Variants in POLR1C observed in about 807,000 individuals in gnomAD.
The protein encoded by POLR1C is RNA polymerase I and III subunit C.
In POLR1C, 42 loss-of-function variants were observed where a neutral mutation model predicts 38.3. The ratio of observed to expected loss-of-function variants is 1.10; its 90% confidence interval spans 0.86 to 1.42. POLR1C has a LOEUF of 1.42. Ranked by LOEUF, POLR1C falls within the 40% of genes most tolerant of loss-of-function variation. The probability of loss-of-function intolerance (pLI) is 0.00; values close to 1 mark genes in which losing one functional copy is unlikely to be tolerated. For missense variants in POLR1C, 507 were observed against 450.5 expected (o/e 1.13, Z -1.14); for synonymous variants, 163 against 163.9 (o/e 0.99, Z 0.04).
intron 10 of POLR1C, chr6:43,556,225 A>C: frequency 2.7e-6 from 1 of 369,310 alleles, no homozygotes; most frequent in Non-Finnish European, 4.9e-6. Flanking sequence ...TTTCTGTTTG[A>C]ATTAAAAGGA....
chr6:43,549,886 G>A, intron 9 of POLR1C: 1 of 1,608,456 alleles, frequency 6.2e-7, no homozygotes, highest in Non-Finnish European at 8.5e-7. Flanking sequence ...TTAATTAATG[G>A]TCTTACCTTA....
Position 43,520,307 on chromosome 6 carries a change from G to A in POLR1C, c.535G>A (p.Gly179Arg). ...YTRHMTWIPL[G>R]NQADLFPEGT... ...CAGGCATATGACATGGATCCCCCTG[G>A]GGAACCAGGCTGATCTCTTTCCAGA... The change falls in exon 6 of 9, where the codon GGG (glycine) becomes AGG (arginine). Residue 179 changes from glycine (G) to arginine (R), a missense_variant. Transcript: ENST00000642195. The A allele has an allele frequency of 6.2e-7, 1 of 1,613,054 alleles. No individual in the cohort carries two copies. The highest frequency in any genetic ancestry group is 8.5e-7 in the Non-Finnish European group (1 of 1,180,024).
chr6:43,519,556 C>T, intron 3 of POLR1C, 116 bp downstream of exon 3: 1 of 1,415,512 alleles, frequency 7.1e-7, no homozygotes, highest in Non-Finnish European at 1.0e-6. Context: ...TGGAATTTTG[C>T]TGAGCATTTT....
intron 9 of POLR1C, among the ~76,000 whole-genome samples, chr6:43,543,016 C>A (rs1794781111): frequency 6.6e-6 from 1 of 152,060 alleles, no homozygotes; most frequent in African/African-American, 2.4e-5. Flanking sequence ...AAGTATCATA[C>A]AAGCAAGGAG....
At chr6:43,528,759 T>C in intron 8 of POLR1C, 3 of 1,465,348 alleles carry the variant, frequency 2.0e-6, no homozygotes, top group Non-Finnish European at 2.8e-6. Context: ...GCTCCTGACT[T>C]GCAAAGCTCA....
intron 2 of POLR1C, among the ~76,000 whole-genome samples, chr6:43,518,186 G>A (rs1792940726): frequency 6.6e-6 from 1 of 152,214 alleles, no homozygotes; most frequent in African/African-American, 2.4e-5. Context: ...CTTGGTGGCT[G>A]GGAGGGAATG....
chr6:43,543,426 C>T (rs748818341), intron 9 of POLR1C, among the ~76,000 whole-genome samples: 3 of 152,130 alleles, frequency 2.0e-5, no homozygotes, highest in Non-Finnish European at 4.4e-5. Context: ...GCACCCCAAC[C>T]TGGGCGACAG....
chr6:43,560,355 C>G, intron 10 of POLR1C: 1 of 1,526,188 alleles, frequency 6.6e-7, no homozygotes, highest in East Asian at 2.3e-5. Flanking sequence ...CTATATAACC[C>G]AGATTATTAC....
At chr6:43,561,142 C>T (rs954631963) in intron 10 of POLR1C, 1 of 702,452 alleles carries the variant, frequency 1.4e-6, no homozygotes. Flanking sequence ...TTCCTTTTGG[C>T]TAAAGAAAGG....
chr6:43,539,469 C>A lies in POLR1C; in HGVS notation c.*4+10110C>A. ...GGCAGGGAGAAGAGATAGATCTCCT[C>A]CAGGGACTTGATCTTCATGTCCTTG... On this transcript the variant is annotated intron_variant, in intron 9 of 10. Coordinates refer to the POLR1C transcript ENST00000607635. 5 of 1,576,232 alleles carry A rather than the reference C, an allele frequency of 3.2e-6. No homozygotes were observed. In the South Asian group the frequency reaches 4.4e-5, roughly 14 times the overall value.
chr6:43,547,092 T>G (rs1795001253), intron 9 of POLR1C, among the ~76,000 whole-genome samples: 1 of 152,198 alleles, frequency 6.6e-6, no homozygotes, highest in African/African-American at 2.4e-5. Context: ...CTTCATCTTC[T>G]TTGAGTTGAC....
At chr6:43,556,133 A>G (rs1166852698) in intron 10 of POLR1C, 1 of 896,348 alleles carries the variant, frequency 1.1e-6, no homozygotes, top group African/African-American at 1.7e-5. Context: ...TAACGAATCC[A>G]GAAGTTTTTG....
chr6:43,520,444 CCTTCCTGG>C lies in POLR1C; in HGVS notation c.655+18_655+25del. 6.2e-7 allele frequency: 1 copy of C among 1,612,964 alleles called. No homozygotes were observed. The highest frequency in any genetic ancestry group is 8.5e-7 in the Non-Finnish European group (1 of 1,179,978). On this transcript the variant is annotated intron_variant, in intron 6 of 8. Transcript: ENST00000642195. ...AGGGCATTGGTGAGAACCCTGTGTG[CCTTCCTGG>C]GAAGGGGGATAGTTCGGTTGCAGTG...
chr6:43,536,072 C>A (rs1794302808), intron 9 of POLR1C, among the ~76,000 whole-genome samples: 1 of 151,708 alleles, frequency 6.6e-6, no homozygotes, highest in Non-Finnish European at 1.5e-5. Flanking sequence ...CGTGCCACTG[C>A]ACTCCAGCCT....
downstream of POLR1C, among the ~76,000 whole-genome samples, chr6:43,534,310 C>T (rs1794180418): frequency 6.6e-6 from 1 of 152,144 alleles, no homozygotes; most frequent in Non-Finnish European, 1.5e-5. Context: ...GAGGTGGTCC[C>T]AGGAGTTTTT....
downstream of POLR1C, chr6:43,533,798 G>A: frequency 1.4e-6 from 1 of 703,784 alleles, no homozygotes; most frequent in Non-Finnish European, 2.2e-6. Flanking sequence ...TTGCACCAGT[G>A]CACTCTAGCC....
At chr6:43,527,304 A>T in intron 8 of POLR1C, 1 of 217,096 alleles carries the variant, frequency 4.6e-6, no homozygotes, top group Non-Finnish European at 9.3e-6. Context: ...ACGGAGTTTC[A>T]CTCTTTTGCC....
intron 10 of POLR1C, chr6:43,556,159 T>C: frequency 1.5e-6 from 1 of 647,276 alleles, no homozygotes; most frequent in Non-Finnish European, 2.4e-6. Flanking sequence ...AAATGATCTC[T>C]GGAAACTGTA....
intron 10 of POLR1C, chr6:43,561,053 A>T (rs1318466023): frequency 2.0e-6 from 3 of 1,478,680 alleles, no homozygotes; most frequent in Admixed American, 1.7e-5. Context: ...CGAGAAAAGC[A>T]GGAGAGGAAA....
Sources: gnomAD v4.1 joint callset for allele counts (sites outside exome capture counted in the v4.1 genomes callset) on GRCh38, gnomAD v4.1.1 for gene constraint, MANE v1.5 for transcripts, NCBI Gene and HGNC (gene_info 2026-07-23, HGNC 2026-07-21) for gene names.